Variants in BTD observed in about 807,000 individuals in gnomAD.
The protein encoded by BTD is biotinidase, also known as biocytinase.
A neutral mutation model predicts 17.7 loss-of-function variants in BTD; 13 were observed. The observed-to-expected ratio is 0.74, with a 90% CI of 0.48 to 1.17. BTD has a LOEUF of 1.17. Ranked by LOEUF, BTD falls within the 50% of genes most tolerant of loss-of-function variation. The pLI is 0.00. For synonymous variants in BTD, 240 were observed against 245.2 expected, an observed-to-expected ratio of 0.98 and a Z score of 0.20; for missense variants, 674 against 650.4, an observed-to-expected ratio of 1.04 and a Z score of -0.39.
chr3:15,701,280 TATTC>T (rs1230683281), intron 3 of BTD, among the ~76,000 whole-genome samples: 1 of 152,188 alleles, frequency 6.6e-6, no homozygotes, highest in East Asian at 1.9e-4. Context: ...TGGCAGCAAA[TATTC>T]ATCCATTTAA....
At chr3:15,717,502 T>A (rs147334928), downstream of BTD, among the ~76,000 whole-genome samples, 1 of 150,812 alleles carries the variant, frequency 6.6e-6, no homozygotes, top group Admixed American at 6.6e-5. Flanking sequence ...CAAATCACTT[T>A]AGCAGAAAAC....
chr3:15,659,682 T>C (rs941731065), intron 3 of BTD, among the ~76,000 whole-genome samples: 8 of 152,358 alleles, frequency 5.3e-5, no homozygotes, highest in African/African-American at 1.9e-4. Context: ...AAGATGACCA[T>C]GTAGATTAGG....
At chr3:15,677,227 T>A (rs998041756) in intron 3 of BTD, among the ~76,000 whole-genome samples, 1 of 152,130 alleles carries the variant, frequency 6.6e-6, no homozygotes, top group Non-Finnish European at 1.5e-5. Flanking sequence ...GGAGTGAGGG[T>A]AGGAGAAGAG....
At chr3:15,616,634 GT>G (rs1574985071) in intron 1 of BTD, among the ~76,000 whole-genome samples, 2 of 151,502 alleles carry the variant, frequency 1.3e-5, no homozygotes, top group Non-Finnish European at 2.9e-5. Flanking sequence ...AAAAAGTTTT[GT>G]TTTTTTCCTT....
In BTD at chr3:15,644,726, T is replaced by G. The variant is rs1325401532; in HGVS notation, c.810T>G (p.Val270=). 6.2e-7 allele frequency: 1 copy of G among 1,614,116 alleles called. No homozygotes were observed. Among genetic ancestry groups the G allele is most frequent in the East Asian group, 2.2e-5 (1 of 44,904 alleles). The stretch of plus-strand genomic sequence containing the variant: ...TTGAGATTCAGAAAGCTTTTGCTGT[T>G]GCCTTTGGCATCAACGTTCTGGCAG... ...AAIEIQKAFA[V]AFGINVLAAN... The change falls in exon 4 of 4, where the codon GTT becomes GTG. Residue 270 remains valine, a synonymous_variant. Transcript: ENST00000643237.
At chr3:15,643,969 A>AATTAATTAATTT (rs1403294175) in intron 3 of BTD, among the ~76,000 whole-genome samples, 1 of 138,014 alleles carries the variant, frequency 7.2e-6, no homozygotes, top group Non-Finnish European at 1.5e-5. Flanking sequence ...TCATTTATTT[A>AATTAATTAATTT]ATTTATTTAT....
chr3:15,716,319 T>C (rs1575349513), downstream of BTD, among the ~76,000 whole-genome samples: 1 of 134,372 alleles, frequency 7.4e-6, no homozygotes, highest in African/African-American at 2.9e-5. Flanking sequence ...GAGATGGGGG[T>C]CTTGGTCTGT....
At chr3:15,718,354 A>G (rs2073313859) in intron 4 of BTD, among the ~76,000 whole-genome samples, 1 of 152,256 alleles carries the variant, frequency 6.6e-6, no homozygotes, top group South Asian at 2.1e-4. Context: ...CTACTTAAAT[A>G]TATCTTAATG....
chr3:15,640,872 T>C (rs1377997517), intron 2 of BTD, among the ~76,000 whole-genome samples: 1 of 152,256 alleles, frequency 6.6e-6, no homozygotes, highest in Non-Finnish European at 1.5e-5. Context: ...CCAAATTTTC[T>C]ACAGTAAAAC....
intron 3 of BTD, among the ~76,000 whole-genome samples, chr3:15,662,419 G>A (rs939407635): frequency 4.6e-5 from 7 of 152,130 alleles, no homozygotes; most frequent in African/African-American, 1.7e-4. Flanking sequence ...TTCACTGCTG[G>A]CATATGAGAA....
intron 3 of BTD, among the ~76,000 whole-genome samples, chr3:15,682,826 A>G (rs2067681068): frequency 6.6e-6 from 1 of 152,212 alleles, no homozygotes; most frequent in Non-Finnish European, 1.5e-5. Context: ...TAGGCTGTCT[A>G]TATAGTCGCT....
rs2066910833 is a variant in BTD at position 15,676,131 on chromosome 3, G to A, written c.400-33929G>A. ...CGAGAAACCTAGTCCTAATAACAAA[G>A]ATGGGGGCAGGGAGAGCAGAACCTC... On this transcript the variant is annotated intron_variant, in intron 3 of 3. Transcript: ENST00000672141. The A allele has an allele frequency of 1.8e-5, 10 of 550,944 alleles. No homozygotes were observed. The South Asian group carries it at 2.8e-4, about 16-fold the overall frequency. 34.1% of individuals were successfully genotyped at this position (550,944 alleles called of 1,614,324 possible).
intron 3 of BTD, among the ~76,000 whole-genome samples, chr3:15,683,429 C>A (rs1417889214): frequency 2.6e-5 from 4 of 152,166 alleles, no homozygotes; most frequent in African/African-American, 9.7e-5. Context: ...CTTCACTACA[C>A]TCATTTCTAC....
At chr3:15,654,738 A>AT (rs60086899), downstream of BTD, among the ~76,000 whole-genome samples, 6,742 of 140,718 alleles carry the variant, frequency 0.048, 487 homozygotes, top group African/African-American at 0.16. Flanking sequence ...CACTTGGCTA[A>AT]TTTTTTTTTT....
intron 3 of BTD, chr3:15,670,172 C>T: frequency 1.5e-6 from 2 of 1,350,386 alleles, no homozygotes; most frequent in Non-Finnish European, 2.0e-6. Context: ...TGGGATCTTT[C>T]CTCTTAGGTT....
intron 3 of BTD, chr3:15,689,942 G>T: frequency 2.3e-6 from 3 of 1,299,168 alleles, no homozygotes; most frequent in Non-Finnish European, 2.1e-6. Context: ...CAATTAACTG[G>T]AAATATTATA....
At chr3:15,629,706 A>T (rs1184317454) in intron 1 of BTD, among the ~76,000 whole-genome samples, 3 of 152,068 alleles carry the variant, frequency 2.0e-5, no homozygotes, top group Admixed American at 6.5e-5. Flanking sequence ...TTGTATTTTT[A>T]GTACAGACAG....
At chr3:15,688,270 C>T (rs888709389) in intron 3 of BTD, among the ~76,000 whole-genome samples, 3 of 152,144 alleles carry the variant, frequency 2.0e-5, no homozygotes, top group Admixed American at 6.5e-5. Context: ...TTTCACAGAT[C>T]CCATCCAGTG....
chr3:15,698,190 C>T (rs550000963), intron 3 of BTD, among the ~76,000 whole-genome samples: 1 of 152,202 alleles, frequency 6.6e-6, no homozygotes, highest in South Asian at 2.1e-4. Context: ...AATTCAACAG[C>T]ACTTCATGCT....
Sources: gnomAD v4.1 joint callset for allele counts (sites outside exome capture counted in the v4.1 genomes callset) on GRCh38, gnomAD v4.1.1 for gene constraint, MANE v1.5 for transcripts, NCBI Gene and HGNC (gene_info 2026-07-23, HGNC 2026-07-21) for gene names.